Variants in POU2F1 observed in about 807,000 individuals in gnomAD.
POU2F1 encodes the protein POU domain, class 2, transcription factor 1.
A neutral mutation model predicts 84.9 loss-of-function variants in POU2F1; 16 were observed. The observed-to-expected ratio is 0.19, with a 90% CI of 0.13 to 0.29. The LOEUF (loss-of-function observed/expected upper bound fraction) is 0.29. Among genes scored for constraint, POU2F1 ranks in the 10% least tolerant of loss-of-function variants. POU2F1 has a pLI of 1.00. For missense variants in POU2F1, 738 were observed against 942.6 expected (o/e 0.78, Z 2.84); for synonymous variants, 368 against 368.3 (o/e 1.00, Z 0.01).
chr1:167,224,825 C>CTTTTTTTTTT (rs774351969), intron 1 of POU2F1, among the ~76,000 whole-genome samples: 1 of 122,216 alleles, frequency 8.2e-6, no homozygotes. Flanking sequence ...TCACTGTCTT[C>CTTTTTTTTTT]TTTTTTTTTT....
chr1:167,299,889 T>C (rs1191228628), intron 1 of POU2F1, among the ~76,000 whole-genome samples: 1 of 151,994 alleles, frequency 6.6e-6, no homozygotes, highest in East Asian at 1.9e-4. Flanking sequence ...ATACAGTAGG[T>C]GTGAGGTAGG....
chr1:167,257,845 G>T (rs1651261875), intron 1 of POU2F1: 1 of 151,270 alleles, frequency 6.6e-6, no homozygotes, highest in Non-Finnish European at 1.5e-5. Flanking sequence ...TGTAATTATG[G>T]CTCAGTTCAC....
chr1:167,305,899 C>A (rs2102582898), intron 1 of POU2F1, among the ~76,000 whole-genome samples: 1 of 152,292 alleles, frequency 6.6e-6, no homozygotes, highest in East Asian at 1.9e-4. Context: ...ACTAACATTT[C>A]CTGGAATTCC....
chr1:167,344,937 T>C (rs537267057), intron 2 of POU2F1, among the ~76,000 whole-genome samples: 1 of 152,160 alleles, frequency 6.6e-6, no homozygotes, highest in Non-Finnish European at 1.5e-5. Context: ...TTGGAAGCCG[T>C]CATCCTCAGC....
intron 1 of POU2F1, among the ~76,000 whole-genome samples, chr1:167,317,660 C>T (rs955042977): frequency 2.6e-5 from 4 of 152,176 alleles, no homozygotes; most frequent in Non-Finnish European, 5.9e-5. Context: ...ATTTGTGGTT[C>T]GGGAATGCCT....
At chr1:167,284,464 T>C (rs1318005201) in intron 1 of POU2F1, among the ~76,000 whole-genome samples, 3 of 152,210 alleles carry the variant, frequency 2.0e-5, no homozygotes, top group African/African-American at 4.8e-5. Context: ...TATTGCACTC[T>C]TTCCATTGCT....
intron 1 of POU2F1, among the ~76,000 whole-genome samples, chr1:167,254,320 A>G (rs1364135651): frequency 6.6e-6 from 1 of 152,212 alleles, no homozygotes; most frequent in African/African-American, 2.4e-5. Context: ...CTTTAGCTGC[A>G]ATATATTAAT....
chr1:167,313,728 T>C (rs984610976), intron 1 of POU2F1, among the ~76,000 whole-genome samples: 3 of 152,180 alleles, frequency 2.0e-5, no homozygotes, highest in Non-Finnish European at 2.9e-5. Flanking sequence ...CCATAAAAAA[T>C]TGATGAATTG....
intron 1 of POU2F1, among the ~76,000 whole-genome samples, chr1:167,272,296 T>C (rs1652420137): frequency 6.9e-6 from 1 of 145,644 alleles, no homozygotes; most frequent in South Asian, 2.1e-4. Flanking sequence ...ATAGTAAATA[T>C]TACCTTTTTT....
Position 167,221,820 on chromosome 1 carries a change from C to T in POU2F1, c.61+862C>T, listed in dbSNP as rs533108485. ...GGAACCCGCGCAGGGGTCTGCGTGCCCCCCCTGGGGGGTGGACTGGATTGG... is the reference window on the plus strand; with the variant it reads ...GGAACCCGCGCAGGGGTCTGCGTGCTCCCCCTGGGGGGTGGACTGGATTGG... On this transcript the variant is annotated intron_variant, in intron 1 of 15. Coordinates refer to ENST00000367866, the MANE Select transcript of POU2F1 (RefSeq NM_002697.4). Among the ~76,000 whole-genome samples, 16 of 152,016 alleles carry T rather than the reference C, an allele frequency of 1.1e-4. No individual in the cohort carries two copies. In the South Asian group the frequency reaches 2.9e-3, roughly 28 times the overall value.
At chr1:167,363,793 T>C (rs1659492448) in intron 2 of POU2F1, among the ~76,000 whole-genome samples, 1 of 152,232 alleles carries the variant, frequency 6.6e-6, no homozygotes, top group Admixed American at 6.5e-5. Flanking sequence ...TATAATTATC[T>C]CAAGGAAACA....
intron 1 of POU2F1, among the ~76,000 whole-genome samples, chr1:167,311,812 T>A (rs201668382): frequency 2.7e-4 from 19 of 70,456 alleles, no homozygotes; most frequent in South Asian, 1.4e-3. Flanking sequence ...TTATTTATTT[T>A]TTCTTTTGGA....
intron 2 of POU2F1, among the ~76,000 whole-genome samples, chr1:167,346,281 G>GAT (rs1658192177): frequency 6.6e-6 from 1 of 152,178 alleles, no homozygotes; most frequent in African/African-American, 2.4e-5. Context: ...ATCTTGTCAT[G>GAT]CATCACTGAT....
At chr1:167,352,947 C>G (rs1422316570) in intron 2 of POU2F1, among the ~76,000 whole-genome samples, 1 of 152,310 alleles carries the variant, frequency 6.6e-6, no homozygotes, top group Non-Finnish European at 1.5e-5. Flanking sequence ...GAGCTGAGCG[C>G]TGAAAGACAT....
Position 167,260,661 on chromosome 1 carries a change from A to G in POU2F1, c.61+39703A>G, listed in dbSNP as rs372713319. On this transcript the variant is annotated intron_variant, in intron 1 of 15. Transcript: ENST00000367866. Reference sequence around the variant, plus strand: ...CAAAGCTCTGTCATACAGAGTTTCCACATATACACATGTTCTACATTTCTT... The same window carrying G: ...CAAAGCTCTGTCATACAGAGTTTCCGCATATACACATGTTCTACATTTCTT... Among the ~76,000 whole-genome samples the G allele has an allele frequency of 4.5e-4, 68 of 152,272 alleles. 1 individual carries two copies. The South Asian group carries it at 0.014, about 31-fold the overall frequency.
chr1:167,381,444 C>A (rs1305310105), intron 7 of POU2F1, among the ~76,000 whole-genome samples: 2 of 151,928 alleles, frequency 1.3e-5, no homozygotes, highest in African/African-American at 4.8e-5. Flanking sequence ...TTCAGCTGAC[C>A]TTGTTTGGGG....
At chr1:167,322,979 C>T (rs1399726908) in intron 1 of POU2F1, among the ~76,000 whole-genome samples, 2 of 152,158 alleles carry the variant, frequency 1.3e-5, no homozygotes, top group Non-Finnish European at 2.9e-5. Flanking sequence ...TCAGCATGGG[C>T]GTCGTAGCCA....
intron 13 of POU2F1, among the ~76,000 whole-genome samples, chr1:167,404,182 T>A (rs373623905): frequency 5.3e-4 from 81 of 151,968 alleles, no homozygotes; most frequent in African/African-American, 1.9e-3. Flanking sequence ...AATTTATCTT[T>A]TTTTTTTTTT....
chr1:167,279,078 C>T (rs749855702), intron 1 of POU2F1, among the ~76,000 whole-genome samples: 6 of 152,112 alleles, frequency 3.9e-5, no homozygotes, highest in African/African-American at 7.2e-5. Flanking sequence ...CTTCTATTCC[C>T]CCCTGATTAT....
Sources: allele counts gnomAD v4.1 joint callset (sites outside exome capture counted in the v4.1 genomes callset), GRCh38; gene constraint gnomAD v4.1.1; transcripts MANE v1.5; gene names NCBI Gene and HGNC (gene_info 2026-07-23, HGNC 2026-07-21).